LGSN: variants seen among roughly 807,000 people sequenced by gnomAD.
LGSN encodes the protein lengsin, lens protein with glutamine synthetase domain.
In LGSN, 21 loss-of-function variants were observed where a neutral mutation model predicts 19.5. The observed-to-expected ratio is 1.07, with a 90% CI of 0.76 to 1.55. LGSN has a LOEUF of 1.55. Ranked by LOEUF, LGSN falls within the 40% of genes most tolerant of loss-of-function variation. The pLI is 0.00. For synonymous variants in LGSN, 257 were observed against 215.6 expected (o/e 1.19, Z -1.68); for missense variants, 673 against 608.5 (o/e 1.11, Z -1.12).
At chr6:63,473,612 T>G in the LGSN span, among the ~76,000 whole-genome samples, 2 of 152,122 alleles carry the variant, frequency 1.3e-5, no homozygotes, top group African/African-American at 4.8e-5. Context: ...AGGAAGTGTA[T>G]TTTAATAGAT....
intron 1 of LGSN, among the ~76,000 whole-genome samples, chr6:63,304,422 G>C (rs11756146): frequency 0.12 from 18,885 of 152,208 alleles, 1,625 homozygotes; most frequent in Admixed American, 0.25. Context: ...TCTTGCTAAA[G>C]TTGTGCTAGA....
intron 1 of LGSN, among the ~76,000 whole-genome samples, chr6:63,305,761 G>A (rs1301658728): frequency 6.6e-6 from 1 of 151,944 alleles, no homozygotes; most frequent in Non-Finnish European, 1.5e-5. Flanking sequence ...TTTGCCTAAA[G>A]TCTTTTAAAT....
the LGSN span, among the ~76,000 whole-genome samples, chr6:63,440,204 T>C: frequency 3.9e-5 from 6 of 152,196 alleles, no homozygotes; most frequent in African/African-American, 1.4e-4. Context: ...AAAACCAGAC[T>C]GCTGGTCCCG....
chr6:63,412,264 AGC>A, the LGSN span, among the ~76,000 whole-genome samples: 163 of 151,574 alleles, frequency 1.1e-3, no homozygotes, highest in African/African-American at 3.8e-3. Flanking sequence ...CTACTCAGGC[AGC>A]TGAGGCAGGA....
At chr6:63,509,000 T>C in the LGSN span, among the ~76,000 whole-genome samples, 6 of 151,642 alleles carry the variant, frequency 4.0e-5, no homozygotes, top group Non-Finnish European at 8.8e-5. Flanking sequence ...CTTATAATAA[T>C]TATTTATATA....
At chr6:63,474,608 CAAA>C in the LGSN span, among the ~76,000 whole-genome samples, 16 of 118,346 alleles carry the variant, frequency 1.4e-4, no homozygotes, top group Non-Finnish European at 1.2e-4. Flanking sequence ...GACTCCATCT[CAAA>C]AAAAAAAAAA....
the LGSN span, among the ~76,000 whole-genome samples, chr6:63,484,588 T>C: frequency 6.7e-6 from 1 of 149,798 alleles, no homozygotes; most frequent in African/African-American, 2.5e-5. Context: ...AGCATTTAAG[T>C]AAAGATGTAG....
chr6:63,417,027 C>A, the LGSN span, among the ~76,000 whole-genome samples: 1 of 151,426 alleles, frequency 6.6e-6, no homozygotes, highest in Non-Finnish European at 1.5e-5. Flanking sequence ...AGATGTGAAA[C>A]AACATGGAAA....
At chr6:63,315,873 T>TA (rs74271498) in intron 1 of LGSN, among the ~76,000 whole-genome samples, 1,977 of 137,428 alleles carry the variant, frequency 0.014, 15 homozygotes, top group East Asian at 0.038. Context: ...ATCCAGGTCT[T>TA]AAAAAAAAAA....
the LGSN span, among the ~76,000 whole-genome samples, chr6:63,545,198 C>G: frequency 6.6e-6 from 1 of 152,266 alleles, no homozygotes; most frequent in South Asian, 2.1e-4. Context: ...ATACTCAAAT[C>G]GTCCCAGATT....
At chr6:63,464,532 AAT>A in the LGSN span, among the ~76,000 whole-genome samples, 13 of 148,936 alleles carry the variant, frequency 8.7e-5, no homozygotes, top group Admixed American at 1.4e-4. Flanking sequence ...GTATGGAAAA[AAT>A]ATATATATAT....
At chr6:63,561,198 G>C in the LGSN span, among the ~76,000 whole-genome samples, 1 of 152,148 alleles carries the variant, frequency 6.6e-6, no homozygotes, top group African/African-American at 2.4e-5. Flanking sequence ...TAAGCCACTG[G>C]AATTTGAATT....
At chr6:63,527,728 T>G in the LGSN span, 1 of 152,172 alleles carries the variant, frequency 6.6e-6, no homozygotes, top group African/African-American at 2.4e-5. Flanking sequence ...CTCTTTCACA[T>G]ACATTGCATG....
chr6:63,501,370 A>AG, the LGSN span, among the ~76,000 whole-genome samples: 3 of 151,724 alleles, frequency 2.0e-5, no homozygotes, highest in African/African-American at 7.3e-5. Flanking sequence ...CTCAAAAAAA[A>AG]AAAAAAAATT....
chr6:63,359,407 G>A, the LGSN span, among the ~76,000 whole-genome samples: 1 of 151,548 alleles, frequency 6.6e-6, no homozygotes, highest in Non-Finnish European at 1.5e-5. Flanking sequence ...CAGAAGGAAT[G>A]GTACCAGGTC....
intron 1 of LGSN, among the ~76,000 whole-genome samples, chr6:63,300,270 G>A (rs1300310690): frequency 6.6e-6 from 1 of 152,206 alleles, no homozygotes. Flanking sequence ...ATGGGCCCTG[G>A]CCTTCCTAGC....
At chr6:63,313,073 G>C (rs545941947) in intron 1 of LGSN, among the ~76,000 whole-genome samples, 1 of 152,200 alleles carries the variant, frequency 6.6e-6, no homozygotes, top group African/African-American at 2.4e-5. Context: ...TTAAGGGAAA[G>C]AACAGGGACT....
At chr6:63,513,468 T>C in the LGSN span, among the ~76,000 whole-genome samples, 8 of 152,154 alleles carry the variant, frequency 5.3e-5, no homozygotes, top group Non-Finnish European at 1.0e-4. Flanking sequence ...AATTACAATG[T>C]TTGCCGTAGT....
chr6:63,446,807 T>C, the LGSN span, among the ~76,000 whole-genome samples: 6 of 152,176 alleles, frequency 3.9e-5, no homozygotes, highest in Admixed American at 1.3e-4. Context: ...CCCAGCACTT[T>C]GGGAGGCTGA....
Sources: gnomAD v4.1 joint callset for allele counts (sites outside exome capture counted in the v4.1 genomes callset) on GRCh38, gnomAD v4.1.1 for gene constraint, MANE v1.5 for transcripts, NCBI Gene and HGNC (gene_info 2026-07-23, HGNC 2026-07-21) for gene names.